Variants in PGK1 observed in about 807,000 individuals in gnomAD.
PGK1 encodes phosphoglycerate kinase 1.
Under a neutral mutation model 26.9 loss-of-function variants are expected in PGK1, and 3 were observed. The observed-to-expected ratio is 0.11, with a 90% CI of 0.05 to 0.29. The LOEUF (loss-of-function observed/expected upper bound fraction) is 0.29, where lower values mean the gene tolerates loss of function less well. PGK1 is among the 10% of genes least tolerant of loss of function. The pLI is 1.00. For missense variants in PGK1, 270 were observed against 314.7 expected (o/e 0.86, Z 1.07); for synonymous variants, 125 against 115.3 (o/e 1.08, Z -0.54).
chrX:78,108,549 T>G (rs902487235), intron 1 of PGK1, among the ~76,000 whole-genome samples: 1 of 112,413 alleles, frequency 8.9e-6, no homozygotes, highest in Admixed American at 9.4e-5. Flanking sequence ...TTGGAAAGGC[T>G]GTTCTTCAGT....
At chrX:78,110,333 T>A (rs1329224400) in intron 2 of PGK1, among the ~76,000 whole-genome samples, 1 of 109,130 alleles carries the variant, frequency 9.2e-6, no homozygotes, top group Admixed American at 9.7e-5. Flanking sequence ...AAAAAAAAAT[T>A]TTTTTTTGTA....
Position 78,125,682 on chromosome X carries a change from T to C in PGK1, c.1214-108T>C. ...AAAAGTTGGCCAGCTCCTGGCCATA[T>C]ATCCTAAAAAAGAGCTGGCATGTTA... On this transcript the variant is annotated intron_variant, in intron 10 of 10. Transcript: ENST00000373316. The C allele has an allele frequency of 4.0e-6, 3 of 741,410 alleles. No homozygotes were observed. The South Asian group carries it at 6.3e-5, about 15-fold the overall frequency. 61.1% of individuals were successfully genotyped at this position (741,410 alleles called of 1,213,427 possible).
At chrX:78,121,927 A>C (rs990467805) in intron 6 of PGK1, among the ~76,000 whole-genome samples, 1 of 112,352 alleles carries the variant, frequency 8.9e-6, no homozygotes, top group Non-Finnish European at 1.9e-5. Context: ...CAGGCTGGGC[A>C]TGGTGGCTTA....
intron 6 of PGK1, among the ~76,000 whole-genome samples, chrX:78,121,402 A>ATGTG (rs782769996): frequency 1.7e-4 from 18 of 107,919 alleles, no homozygotes; most frequent in Admixed American, 7.9e-4. Context: ...TTGTGTGTGT[A>ATGTG]TGTGTGTGTG....
intron 10 of PGK1, 56 bp from the exon 11 acceptor site, chrX:78,125,734 G>T: frequency 1.0e-6 from 1 of 982,252 alleles, no homozygotes; most frequent in Non-Finnish European, 1.5e-6. Context: ...GGGGAAATCT[G>T]GCTTACTGGG....
At chrX:78,125,301 C>T in intron 9 of PGK1, 26 bp from the exon 10 acceptor site, 1 of 1,115,593 alleles carries the variant, frequency 9.0e-7, no homozygotes, top group Non-Finnish European at 1.2e-6. Context: ...TCTCTTTTCC[C>T]TTTTTACCTG....
chrX:78,104,339 A>G lies in PGK1; in HGVS notation c.-2A>G, dbSNP rs202247339. ...ACCTCTCTCCCCAGCTGTATTTCCA[A>G]AATGTCGCTTTCTAACAAGCTGACG... On this transcript the variant is annotated 5_prime_UTR_variant, in exon 1 of 11. Transcript: ENST00000373316. The G allele has an allele frequency of 5.8e-6, 7 of 1,201,373 alleles. No individual in the cohort carries two copies. Among genetic ancestry groups the G allele is most frequent in the Middle Eastern group, 2.3e-4 (1 of 4,269 alleles).
chrX:78,123,039 G>A (rs1346910910), intron 7 of PGK1, 90 bp downstream of exon 7: 1 of 730,413 alleles, frequency 1.4e-6, no homozygotes, highest in Non-Finnish European at 2.2e-6. Flanking sequence ...CTTTTGACAT[G>A]AGCCCTGAAA....
At chrX:78,109,663 C>T (rs2078290427) in intron 1 of PGK1, among the ~76,000 whole-genome samples, 1 of 111,167 alleles carries the variant, frequency 9.0e-6, no homozygotes, top group South Asian at 3.8e-4. Context: ...ATTACCAGAA[C>T]CCCAAAGCCT....
intron 8 of PGK1, 145 bp downstream of exon 8, chrX:78,123,519 C>T: frequency 1.9e-6 from 1 of 518,804 alleles, no homozygotes; most frequent in Non-Finnish European, 3.4e-6. Flanking sequence ...GCAGTGAGTC[C>T]CTCATGGAAG....
At chrX:78,112,384 T>G (rs2078305707) in intron 2 of PGK1, among the ~76,000 whole-genome samples, 1 of 112,684 alleles carries the variant, frequency 8.9e-6, no homozygotes, top group Non-Finnish European at 1.9e-5. Flanking sequence ...AATGCTTTTC[T>G]TGATCAATTT....
chrX:78,117,877 A>G (rs2078334328), intron 5 of PGK1, among the ~76,000 whole-genome samples, 174 bp from the exon 6 acceptor site: 1 of 112,646 alleles, frequency 8.9e-6, no homozygotes, highest in African/African-American at 3.2e-5. Context: ...ACCTTGCACT[A>G]TTAGTTAAAA....
chrX:78,104,514 GC>G (rs781848130), intron 1 of PGK1, 109 bp downstream of exon 1: 328 of 634,844 alleles, frequency 5.2e-4, no homozygotes, highest in Non-Finnish European at 8.0e-4. Context: ...TTTTGGCTGG[GC>G]CCCAGGGGTC....
intron 3 of PGK1, 27 bp from the exon 4 acceptor site, chrX:78,113,989 A>C (rs138345294): frequency 1.7e-6 from 2 of 1,207,879 alleles, no homozygotes; most frequent in Non-Finnish European, 2.2e-6. Flanking sequence ...ATACTGCTCA[A>C]GTGTCTTCAT....
intron 8 of PGK1, 24 bp from the exon 9 acceptor site, chrX:78,124,850 T>A: frequency 8.4e-7 from 1 of 1,194,434 alleles, no homozygotes; most frequent in Non-Finnish European, 1.1e-6. Context: ...ATAGCTCATC[T>A]TCTCTTTCAC....
At chrX:78,109,843 T>A (rs782156454) in intron 1 of PGK1, 24 bp from the exon 2 acceptor site, 1 of 1,126,249 alleles carries the variant, frequency 8.9e-7, no homozygotes, top group African/African-American at 1.8e-5. Flanking sequence ...AAGTTGATCA[T>A]GGTCTTGCAT....
intron 1 of PGK1, among the ~76,000 whole-genome samples, chrX:78,105,838 G>C (rs184538694): frequency 8.9e-6 from 1 of 111,877 alleles, no homozygotes; most frequent in African/African-American, 3.2e-5. Context: ...GTTAGTACTA[G>C]AGGAGTGCCC....
chrX:78,109,838 G>C (rs1457329055), intron 1 of PGK1, 29 bp from the exon 2 acceptor site: 1 of 1,096,660 alleles, frequency 9.1e-7, no homozygotes, highest in Non-Finnish European at 1.3e-6. Flanking sequence ...ACAGTAAGTT[G>C]ATCATGGTCT....
chrX:78,124,840 A>G, intron 8 of PGK1, 34 bp from the exon 9 acceptor site: 1 of 1,172,983 alleles, frequency 8.5e-7, no homozygotes, highest in East Asian at 3.0e-5. Flanking sequence ...GCTTTTCTTG[A>G]TAGCTCATCT....
Sources: gnomAD v4.1 joint callset for allele counts (sites outside exome capture counted in the v4.1 genomes callset) on GRCh38, gnomAD v4.1.1 for gene constraint, MANE v1.5 for transcripts, NCBI Gene and HGNC (gene_info 2026-07-23, HGNC 2026-07-21) for gene names.